The following WWOX variants were observed in gnomAD, a reference collection of about 807,000 sequenced individuals.
The protein encoded by WWOX is WW domain-containing oxidoreductase.
A neutral mutation model predicts 46.2 loss-of-function variants in WWOX; 69 were observed. The ratio of observed to expected loss-of-function variants is 1.49; its 90% CI spans 1.23 to 1.82. WWOX has a LOEUF of 1.82. WWOX is among the 40% of genes most tolerant of loss of function. The pLI is 0.00. For synonymous variants in WWOX, 359 were observed against 202.6 expected, an observed-to-expected ratio of 1.77 and a Z score of -6.56; for missense variants, 919 against 542.6, an observed-to-expected ratio of 1.69 and a Z score of -6.89.
At chr16:78,893,203 A>G (rs2044628513) in intron 8 of WWOX, among the ~76,000 whole-genome samples, 1 of 152,016 alleles carries the variant, frequency 6.6e-6, no homozygotes, top group African/African-American at 2.4e-5. Context: ...GAAAAAAAAA[A>G]AAGTGGGGAT....
At chr16:78,309,066 C>T (rs1200614939) in intron 5 of WWOX, among the ~76,000 whole-genome samples, 1 of 152,156 alleles carries the variant, frequency 6.6e-6, no homozygotes, top group Non-Finnish European at 1.5e-5. Context: ...GTTAATAACT[C>T]TTGTAACCAA....
chr16:78,803,895 C>T (rs2050959364), intron 8 of WWOX, among the ~76,000 whole-genome samples: 1 of 152,160 alleles, frequency 6.6e-6, no homozygotes, highest in South Asian at 2.1e-4. Context: ...AAATAACCAT[C>T]ACCAGACAAA....
chr16:78,565,322 A>G (rs116720035), intron 8 of WWOX, among the ~76,000 whole-genome samples: 3,591 of 152,310 alleles, frequency 0.024, 146 homozygotes, highest in African/African-American at 0.082. Flanking sequence ...CCTGGTCAAG[A>G]TGTCAGTAGG....
intron 8 of WWOX, among the ~76,000 whole-genome samples, chr16:79,041,984 A>G (rs2047980193): frequency 6.6e-6 from 1 of 152,198 alleles, no homozygotes; most frequent in Non-Finnish European, 1.5e-5. Context: ...TGGTTCTGCA[A>G]AATGGGTGCG....
At chr16:78,996,751 C>T (rs367971117) in intron 8 of WWOX, among the ~76,000 whole-genome samples, 1 of 152,266 alleles carries the variant, frequency 6.6e-6, no homozygotes, top group East Asian at 1.9e-4. Context: ...CTGCAATTCT[C>T]CCAACTGTTC....
In WWOX at chr16:78,862,909, G is replaced by C. The variant is rs2043921798; in HGVS notation, c.1057-348699G>C. ...TTAACATAATATCTGGGTATCCTGT[G>C]GCCCAGTCAAGTGGACACATACAAT... On this transcript the variant is annotated intron_variant, in intron 8 of 8. Coordinates refer to ENST00000566780, the MANE Select transcript of WWOX (RefSeq NM_016373.4). Among the ~76,000 whole-genome samples, 5 of 151,848 alleles carry C rather than the reference G, an allele frequency of 3.3e-5. 1 individual carries two copies. The highest frequency in any genetic ancestry group is 3.3e-4 in the Admixed American group (5 of 15,220).
chr16:78,307,592 T>A (rs1057455321), intron 5 of WWOX, among the ~76,000 whole-genome samples: 22 of 152,118 alleles, frequency 1.4e-4, no homozygotes, highest in Admixed American at 1.4e-3. Flanking sequence ...GACACCTTGA[T>A]TTTTTTAACC....
intron 8 of WWOX, among the ~76,000 whole-genome samples, chr16:78,671,614 A>G (rs1299733328): frequency 6.6e-6 from 1 of 152,106 alleles, no homozygotes; most frequent in Admixed American, 6.5e-5. Context: ...TTACCTATAA[A>G]GTAGAGATTC....
At chr16:78,975,395 T>C (rs567037371) in intron 8 of WWOX, among the ~76,000 whole-genome samples, 1 of 152,080 alleles carries the variant, frequency 6.6e-6, no homozygotes, top group Non-Finnish European at 1.5e-5. Context: ...AACAAAATCT[T>C]ACGTGGTCCT....
chr16:78,529,208 G>C (rs922187380), intron 8 of WWOX, among the ~76,000 whole-genome samples: 1 of 151,962 alleles, frequency 6.6e-6, no homozygotes, highest in Non-Finnish European at 1.5e-5. Context: ...TCCCACCTCA[G>C]CCTCCCAAAA....
chr16:78,958,810 G>T (rs2046219060), intron 8 of WWOX, among the ~76,000 whole-genome samples: 1 of 152,182 alleles, frequency 6.6e-6, no homozygotes, highest in East Asian at 1.9e-4. Flanking sequence ...TTGGGGTAGT[G>T]GGCACAGGGG....
intron 5 of WWOX, among the ~76,000 whole-genome samples, chr16:78,217,565 C>T (rs2036761998): frequency 6.6e-6 from 1 of 152,164 alleles, no homozygotes; most frequent in Non-Finnish European, 1.5e-5. Context: ...CCACTCTCTT[C>T]TCCCAGATGC....
At chr16:78,753,758 C>T (rs1209623521) in intron 8 of WWOX, among the ~76,000 whole-genome samples, 3 of 130,932 alleles carry the variant, frequency 2.3e-5, no homozygotes, top group Non-Finnish European at 3.1e-5. Flanking sequence ...GCAAAGATCA[C>T]ACCACTGCAG....
At chr16:78,617,604 C>T (rs574800017) in intron 8 of WWOX, among the ~76,000 whole-genome samples, 1 of 152,240 alleles carries the variant, frequency 6.6e-6, no homozygotes, top group African/African-American at 2.4e-5. Context: ...AGGTGATGAT[C>T]CCTGAGGTGT....
intron 8 of WWOX, among the ~76,000 whole-genome samples, chr16:78,435,400 G>A (rs753104211): frequency 4.6e-5 from 7 of 152,300 alleles, no homozygotes; most frequent in Non-Finnish European, 8.8e-5. Context: ...TTGTGAACAG[G>A]CCTCAATGCC....
At chr16:78,585,114 G>T (rs1175209183) in intron 8 of WWOX, among the ~76,000 whole-genome samples, 1 of 152,174 alleles carries the variant, frequency 6.6e-6, no homozygotes, top group Non-Finnish European at 1.5e-5. Flanking sequence ...AAATTCTTTA[G>T]CCATGTCCGT....
At chr16:78,886,639 C>CAT (rs3085495) in intron 8 of WWOX, among the ~76,000 whole-genome samples, 27,713 of 144,712 alleles carry the variant, frequency 0.19, 2,745 homozygotes, top group African/African-American at 0.23. Context: ...CAAAGAAAAA[C>CAT]ATATATATAT....
intron 5 of WWOX, among the ~76,000 whole-genome samples, chr16:78,312,530 A>C (rs1317561675): frequency 6.6e-6 from 1 of 152,052 alleles, no homozygotes; most frequent in Non-Finnish European, 1.5e-5. Flanking sequence ...GCCTGCCACC[A>C]TGCCCAGCTA....
intron 5 of WWOX, among the ~76,000 whole-genome samples, chr16:78,267,923 T>C (rs1476940368): frequency 6.6e-6 from 1 of 152,196 alleles, no homozygotes; most frequent in Non-Finnish European, 1.5e-5. Flanking sequence ...GCTCAAGTGA[T>C]CCTCCCACCT....
Sources: allele counts gnomAD v4.1 joint callset (sites outside exome capture counted in the v4.1 genomes callset), GRCh38; gene constraint gnomAD v4.1.1; transcripts MANE v1.5; gene names NCBI Gene and HGNC (gene_info 2026-07-23, HGNC 2026-07-21).